ASAP1: variants seen among roughly 807,000 people sequenced by gnomAD.
ASAP1 encodes ArfGAP with SH3 domain, ankyrin repeat and PH domain 1, also known as arf-GAP with SH3 domain, ANK repeat and PH domain-containing protein 1.
A neutral mutation model predicts 145.2 loss-of-function variants in ASAP1; 43 were observed. The observed-to-expected ratio is 0.30, with a 90% confidence interval of 0.23 to 0.38. The LOEUF (loss-of-function observed/expected upper bound fraction) is 0.38, where lower values mean the gene tolerates loss of function less well. Ranked by LOEUF, ASAP1 falls within the 10% of genes least tolerant of loss-of-function variation. ASAP1 has a pLI of 1.00. For missense variants in ASAP1, 1,018 were observed against 1,355.3 expected, an observed-to-expected ratio of 0.75 and a Z score of 3.91; for synonymous variants, 546 against 515.5, an observed-to-expected ratio of 1.06 and a Z score of -0.80.
chr8:130,403,554 C>CTTTTTTTTTTTTTTT (rs372481861), intron 1 of ASAP1, among the ~76,000 whole-genome samples: 13 of 125,392 alleles, frequency 1.0e-4, no homozygotes, highest in Admixed American at 2.6e-4. Context: ...TTTTCTTTTT[C>CTTTTTTTTTTTTTTT]TTTTTTTTTT....
At chr8:130,376,531 G>A (rs1276003728) in intron 2 of ASAP1, among the ~76,000 whole-genome samples, 1 of 152,150 alleles carries the variant, frequency 6.6e-6, no homozygotes, top group Non-Finnish European at 1.5e-5. Flanking sequence ...TGCCAGACCA[G>A]CCTGGCCAAC....
intron 2 of ASAP1, among the ~76,000 whole-genome samples, chr8:130,391,907 C>T (rs762774645): frequency 2.6e-5 from 4 of 152,268 alleles, no homozygotes; most frequent in Non-Finnish European, 4.4e-5. Flanking sequence ...ACCAGAACCC[C>T]TGGAAAGGCT....
chr8:130,383,417 C>G (rs1198361448), intron 2 of ASAP1, among the ~76,000 whole-genome samples: 2 of 152,160 alleles, frequency 1.3e-5, no homozygotes, highest in Admixed American at 6.5e-5. Flanking sequence ...GGGGAGAAAG[C>G]CTGCCTGAAA....
chr8:130,423,886 A>G (rs1053276010), intron 1 of ASAP1, among the ~76,000 whole-genome samples: 3 of 152,000 alleles, frequency 2.0e-5, no homozygotes, highest in Admixed American at 1.3e-4. Context: ...TTTAAAGGTT[A>G]TCTAGGGCTG....
chr8:130,177,363 T>G (rs1814036356), intron 9 of ASAP1, among the ~76,000 whole-genome samples: 2 of 152,256 alleles, frequency 1.3e-5, no homozygotes, highest in African/African-American at 4.8e-5. Context: ...AATAGATTTC[T>G]AAAGTCAGGT....
chr8:130,368,634 G>A (rs1451158062), intron 2 of ASAP1, among the ~76,000 whole-genome samples: 3 of 152,202 alleles, frequency 2.0e-5, no homozygotes, highest in Non-Finnish European at 4.4e-5. Context: ...CTTCATGGAG[G>A]ACTGATATAG....
At chr8:130,054,890 T>C in intron 29 of ASAP1, 85 bp from the exon 30 acceptor site, 1 of 1,070,132 alleles carries the variant, frequency 9.3e-7, no homozygotes. Flanking sequence ...CCCAGCCTAG[T>C]CTGCCCACAG....
intron 1 of ASAP1, among the ~76,000 whole-genome samples, chr8:130,404,325 T>C (rs887970090): frequency 1.3e-5 from 2 of 152,204 alleles, no homozygotes; most frequent in African/African-American, 2.4e-5. Context: ...AAAATGCATA[T>C]GGAAATGCAA....
At chr8:130,436,278 G>A (rs1190640506) in intron 1 of ASAP1, among the ~76,000 whole-genome samples, 1 of 152,174 alleles carries the variant, frequency 6.6e-6, no homozygotes, top group Non-Finnish European at 1.5e-5. Flanking sequence ...GCTGAGACAG[G>A]AGGTCCGCTT....
At chr8:130,411,662 T>C (rs1180322987) in intron 1 of ASAP1, among the ~76,000 whole-genome samples, 1 of 152,066 alleles carries the variant, frequency 6.6e-6, no homozygotes, top group Non-Finnish European at 1.5e-5. Context: ...AAAAAGGAAG[T>C]TGTATAAGTG....
At chr8:130,356,453 AAGAC>A (rs766969788) in intron 3 of ASAP1, among the ~76,000 whole-genome samples, 1 of 152,192 alleles carries the variant, frequency 6.6e-6, no homozygotes, top group African/African-American at 2.4e-5. Context: ...AATTAAGTGA[AAGAC>A]AGACCCATGA....
intron 3 of ASAP1, among the ~76,000 whole-genome samples, chr8:130,330,721 C>T (rs936676306): frequency 6.6e-6 from 1 of 152,192 alleles, no homozygotes; most frequent in African/African-American, 2.4e-5. Context: ...GTGTAGGTAT[C>T]TCTATGGGGA....
chr8:130,122,244 T>C (rs1167514126), intron 18 of ASAP1, among the ~76,000 whole-genome samples: 1 of 152,214 alleles, frequency 6.6e-6, no homozygotes, highest in Non-Finnish European at 1.5e-5. Context: ...CCCTGTGTTT[T>C]CATCTCCTCA....
chr8:130,202,791 T>C (rs952383890), intron 5 of ASAP1, among the ~76,000 whole-genome samples: 6 of 152,164 alleles, frequency 3.9e-5, no homozygotes, highest in Non-Finnish European at 8.8e-5. Flanking sequence ...CTCAATTATA[T>C]CCAACTTCAA....
chr8:130,093,441 C>A (rs2097509997), intron 24 of ASAP1, among the ~76,000 whole-genome samples: 1 of 151,994 alleles, frequency 6.6e-6, no homozygotes, highest in Non-Finnish European at 1.5e-5. Context: ...CCGAGGTGGG[C>A]AGATCACTTG....
At position 130,079,949 on chromosome 8, in the gene ASAP1, A is replaced by G; in HGVS notation, c.2595T>C (p.Ser865=). ...CAAACTTGTTTGTAGTCTTACTTGA[A>G]GAGGATGGACCCCCATCGTTACCTA... ...VPWGNDGGPS[S]SSKTTNKFEG... Residue 865 remains serine (S), a synonymous_variant, in exon 26 of 30, where the codon TCT becomes TCC. Transcript: ENST00000518721. 1 of 1,614,170 alleles carries G rather than the reference A, an allele frequency of 6.2e-7. No homozygotes were observed. The highest frequency in any genetic ancestry group is 1.3e-5 in the African/African-American group (1 of 75,052).
chr8:130,160,984 CA>C (rs1241895206), intron 11 of ASAP1, among the ~76,000 whole-genome samples: 2 of 152,060 alleles, frequency 1.3e-5, no homozygotes, highest in South Asian at 2.1e-4. Context: ...ACAGGACAAT[CA>C]AATGTCTGTA....
intron 15 of ASAP1, among the ~76,000 whole-genome samples, chr8:130,132,973 T>C (rs1220784215): frequency 3.9e-5 from 6 of 151,944 alleles, no homozygotes; most frequent in Non-Finnish European, 8.8e-5. Flanking sequence ...ATAACAAAAG[T>C]AAGCGAGTGG....
chr8:130,133,664 AAAACAAACAAAC>A (rs151021142), intron 15 of ASAP1, among the ~76,000 whole-genome samples: 1 of 148,266 alleles, frequency 6.7e-6, no homozygotes, highest in African/African-American at 2.5e-5. Context: ...CTCCGTCTCA[AAAACAAACAAAC>A]AAACAAACAA....
Sources: allele counts gnomAD v4.1 joint callset (sites outside exome capture counted in the v4.1 genomes callset), GRCh38; gene constraint gnomAD v4.1.1; transcripts MANE v1.5; gene names NCBI Gene and HGNC (gene_info 2026-07-23, HGNC 2026-07-21).